EPHA8: variants seen among roughly 807,000 people sequenced by gnomAD.
EPHA8 encodes the protein ephrin type-A receptor 8.
Under a neutral mutation model 103.6 loss-of-function variants are expected in EPHA8, and 58 were observed. The observed-to-expected ratio is 0.56, with a 90% CI of 0.45 to 0.70. The LOEUF (loss-of-function observed/expected upper bound fraction) is 0.70, where lower values mean the gene tolerates loss of function less well. EPHA8 is among the 30% of genes least tolerant of loss of function. The pLI, the probability that EPHA8 is intolerant of heterozygous loss-of-function variation, is 0.00. For missense variants in EPHA8, 1,304 were observed against 1,395.2 expected (o/e 0.93, Z 1.04); for synonymous variants, 559 against 572.5 (o/e 0.98, Z 0.34).
At chr1:22,583,534 A>G (rs1641103868) in intron 3 of EPHA8, among the ~76,000 whole-genome samples, 1 of 152,110 alleles carries the variant, frequency 6.6e-6, no homozygotes, top group East Asian at 1.9e-4. Context: ...CAAGGCATTC[A>G]GGCTCCCTGA....
chr1:22,567,175 G>T lies in EPHA8; in HGVS notation c.95-2114G>T, dbSNP rs1471139807. Among the ~76,000 whole-genome samples, 1 of 152,142 alleles carries T rather than the reference G, an allele frequency of 6.6e-6. No homozygotes were observed. Among genetic ancestry groups the T allele is most frequent in the African/African-American group, 2.4e-5 (1 of 41,424 alleles). On this transcript the variant is annotated intron_variant, in intron 1 of 16. Coordinates refer to ENST00000166244, the MANE Select transcript of EPHA8 (RefSeq NM_020526.5). This position sits in a 1 kb window ranked among gnomAD's most constrained non-coding sequence, Gnocchi z 4.2. ...TTGAGTGGCTCCGGGATAGGGACAG[G>T]TCTGGGCTGCATCCAGGCCAGGTCA...
chr1:22,574,792 G>A (rs1306793666), intron 2 of EPHA8, among the ~76,000 whole-genome samples: 1 of 152,042 alleles, frequency 6.6e-6, no homozygotes, highest in Non-Finnish European at 1.5e-5. Context: ...TCAATTCTTT[G>A]GGATATATAC....
intron 2 of EPHA8, among the ~76,000 whole-genome samples, chr1:22,575,123 C>G (rs1640647470): frequency 6.6e-6 from 1 of 151,966 alleles, no homozygotes; most frequent in South Asian, 2.1e-4. Flanking sequence ...GCTAATTTTT[C>G]TATTTTTAGT....
rs138987088 is a variant in EPHA8, at chr1:22,603,375, G to C, written c.*1634G>C. 4.3e-3 allele frequency: 654 copies of C among 152,502 alleles called. 3 individuals carry two copies. Among genetic ancestry groups the C allele is most frequent in the Non-Finnish European group, 6.6e-3 (446 of 68,010 alleles). The allele number at this position is 152,502 out of a possible 1,614,324, so 9.4% of individuals were successfully genotyped here. On this transcript the variant is annotated 3_prime_UTR_variant, in exon 17 of 17. Coordinates refer to ENST00000166244, the MANE Select transcript of EPHA8 (RefSeq NM_020526.5). ...AACATGGTCAGAACACGATCTGGGG[G>C]GGGGATCCTGTCTTCCTCCCCACCC... is the stretch of plus-strand genomic sequence containing the variant.
At position 22,597,871 on chromosome 1, in the gene EPHA8, G is replaced by C. The variant is rs72651347; in HGVS notation, c.2116+10G>C. 6.2e-7 allele frequency: 1 copy of C among 1,600,300 alleles called. No individual in the cohort carries two copies. The highest frequency in any genetic ancestry group is 8.5e-7 in the Non-Finnish European group (1 of 1,172,506). ...GGTGTCGTCACCCGTGGTAGGTGCC[G>C]GGCAAAGACAGCCTCCCCCTGCAGT... On this transcript the variant is annotated intron_variant, in intron 11 of 16. Transcript: ENST00000166244. This position sits in a 1 kb window ranked among gnomAD's most constrained non-coding sequence, Gnocchi z 4.6.
intron 2 of EPHA8, among the ~76,000 whole-genome samples, chr1:22,573,393 C>A (rs1484616974): frequency 6.6e-6 from 1 of 152,094 alleles, no homozygotes; most frequent in African/African-American, 2.4e-5. Flanking sequence ...CTGTTTGAGT[C>A]CCATTTTACA....
At chr1:22,568,826 AG>A (rs1201709299) in intron 1 of EPHA8, among the ~76,000 whole-genome samples, 1 of 152,228 alleles carries the variant, frequency 6.6e-6, no homozygotes, top group Non-Finnish European at 1.5e-5. Context: ...ACAGGAGACA[AG>A]GGTCAGGTCA....
At chr1:22,582,431 T>C (rs1434036003) in intron 3 of EPHA8, among the ~76,000 whole-genome samples, 1 of 152,032 alleles carries the variant, frequency 6.6e-6, no homozygotes, top group African/African-American at 2.4e-5. Flanking sequence ...GGCCAGGCAG[T>C]ACTTGATTTT....
At chr1:22,596,281 A>T in intron 9 of EPHA8, 108 bp downstream of exon 9, 1 of 1,132,370 alleles carries the variant, frequency 8.8e-7, no homozygotes, top group Non-Finnish European at 1.3e-6. Flanking sequence ...CAGTGAAAAA[A>T]CCAGAGCCCA....
At chr1:22,601,192 C>G in intron 15 of EPHA8, 104 bp downstream of exon 15, 1 of 1,527,526 alleles carries the variant, frequency 6.5e-7, no homozygotes, top group Non-Finnish European at 8.8e-7. Context: ...CCAGGCCCAG[C>G]CTGGGCCCCC....
chr1:22,586,725 C>A, intron 4 of EPHA8, 90 bp downstream of exon 4: 1 of 1,521,088 alleles, frequency 6.6e-7, no homozygotes, highest in Non-Finnish European at 8.9e-7. Flanking sequence ...AGAGCCAGTT[C>A]TCTGCTGGTG....
rs767089293 is a variant in EPHA8, at chr1:22,598,919, C to A, written c.2260C>A (p.Leu754Met). ...VGAGMRYLSD[L>M]GYVHRDLAAR... ...TGCCGGCATGCGCTACCTCTCAGAC[C>A]TGGGCTATGTCCACCGAGACCTGGC... The change falls in exon 13 of 17, where the codon CTG becomes ATG. Residue 754 changes from leucine to methionine, a missense_variant. Leu to Met is a conservative substitution (Grantham distance 15). Transcript: ENST00000166244. This position sits in a 1 kb window ranked among gnomAD's most constrained non-coding sequence, Gnocchi z 5.1. The A allele has an allele frequency of 3.7e-6, 6 of 1,610,658 alleles. No individual in the cohort carries two copies. The highest frequency in any genetic ancestry group is 5.1e-6 in the Non-Finnish European group (6 of 1,179,160).
At position 22,569,529 on chromosome 1, in the gene EPHA8, G is replaced by C. The variant is rs1250557838; in HGVS notation, c.159+176G>C. On this transcript the variant is annotated intron_variant, in intron 2 of 16. Coordinates refer to ENST00000166244, the MANE Select transcript of EPHA8 (RefSeq NM_020526.5). The surrounding 1 kb of genome is among the most constrained non-coding windows in gnomAD (Gnocchi z 4.5). The stretch of plus-strand genomic sequence containing the variant: ...ATCTCTTAACAGTTTAGTGCATACA[G>C]ACCCTTGAGATTACAGAACCAACCC... Among the ~76,000 whole-genome samples the C allele has an allele frequency of 6.6e-6, 1 of 152,200 alleles. No individual in the cohort carries two copies. The highest frequency in any genetic ancestry group is 2.4e-5 in the African/African-American group (1 of 41,444).
In EPHA8 at chr1:22,578,049, GTGTGTGCA is replaced by G. The variant is rs1397892857; in HGVS notation, c.823+1180_823+1187del. Among the ~76,000 whole-genome samples, 109 of 104,170 alleles carry G rather than the reference GTGTGTGCA, an allele frequency of 1.0e-3. 3 individuals are homozygous for G. In the East Asian group the frequency reaches 0.027, roughly 26 times the overall value. 68.3% of individuals were successfully genotyped at this position (104,170 alleles called of 152,430 possible). ...TGTGTGCATGTGTATGTATGTGCATGTGTGTGCATGTGTGCATGAGTATGTATGCATGT... is the reference window on the plus strand; with the variant it reads ...TGTGTGCATGTGTATGTATGTGCATGTGTGTGCATGAGTATGTATGCATGT... On this transcript the variant is annotated intron_variant, in intron 3 of 16. Transcript: ENST00000166244.
intron 9 of EPHA8, 68 bp downstream of exon 9, chr1:22,596,241 G>T: frequency 6.7e-7 from 1 of 1,498,482 alleles, no homozygotes; most frequent in Non-Finnish European, 9.3e-7. Flanking sequence ...CTGGACTGGG[G>T]GTGGCACAGA....
In EPHA8 at chr1:22,598,723, C is replaced by T. The variant is rs2148267461; in HGVS notation, c.2179-115C>T. ...GCTTCAGAAGTAGTGGCGCACTTGG[C>T]AAATTGCAAAGCACCGTCTCAACTC... On this transcript the variant is annotated intron_variant, in intron 12 of 16. Coordinates refer to ENST00000166244, the MANE Select transcript of EPHA8 (RefSeq NM_020526.5). This position sits in a 1 kb window ranked among gnomAD's most constrained non-coding sequence, Gnocchi z 5.1. 2 of 1,076,186 alleles carry T rather than the reference C, an allele frequency of 1.9e-6. No individual in the cohort carries two copies. The highest frequency in any genetic ancestry group is 5.2e-5 in the East Asian group (2 of 38,820). 66.7% of individuals were successfully genotyped at this position (1,076,186 alleles called of 1,614,324 possible).
At chr1:22,584,303 G>A (rs1276986017) in intron 3 of EPHA8, among the ~76,000 whole-genome samples, 2 of 152,162 alleles carry the variant, frequency 1.3e-5, no homozygotes, top group East Asian at 3.9e-4. Context: ...CGAGCTCCTA[G>A]ACCTGAGCTC....
intron 2 of EPHA8, among the ~76,000 whole-genome samples, chr1:22,570,392 G>A (rs936311579): frequency 1.2e-4 from 19 of 152,240 alleles, no homozygotes; most frequent in East Asian, 1.9e-4. Flanking sequence ...ACGCGCGCGC[G>A]CATACGCACA....
At chr1:22,586,886 T>C (rs539707332) in intron 4 of EPHA8, among the ~76,000 whole-genome samples, 30 of 152,252 alleles carry the variant, frequency 2.0e-4, no homozygotes, top group Non-Finnish European at 3.8e-4. Flanking sequence ...TGGCCTCACT[T>C]CTTTCCCCAC....
Sources: gnomAD v4.1 joint callset for allele counts (sites outside exome capture counted in the v4.1 genomes callset) on GRCh38, gnomAD v4.1.1 for gene constraint, Gnocchi (gnomAD v3.1) non-coding constraint, MANE v1.5 for transcripts, NCBI Gene and HGNC (gene_info 2026-07-23, HGNC 2026-07-21) for gene names.